Variants in LINGO2 observed in about 807,000 individuals in gnomAD.
LINGO2 encodes leucine-rich repeat and immunoglobulin-like domain-containing nogo receptor-interacting protein 2.
A neutral mutation model predicts 30.6 loss-of-function variants in LINGO2; 14 were observed. That is an observed-to-expected ratio of 0.46 (90% CI 0.30 to 0.72). The LOEUF (loss-of-function observed/expected upper bound fraction) is 0.72. LINGO2 is among the 30% of genes least tolerant of loss of function. The probability of loss-of-function intolerance (pLI) is 0.07; values close to 1 mark genes in which losing one functional copy is unlikely to be tolerated. For synonymous variants in LINGO2, 317 were observed against 288.5 expected, an observed-to-expected ratio of 1.10 and a Z score of -1.00; for missense variants, 729 against 751.7, an observed-to-expected ratio of 0.97 and a Z score of 0.35.
chr9:28,518,118 G>T (rs770703214), intron 1 of LINGO2, among the ~76,000 whole-genome samples: 1 of 152,082 alleles, frequency 6.6e-6, no homozygotes, highest in African/African-American at 2.4e-5. Context: ...AGCAGGAGAG[G>T]CTCAGAGAGA....
At chr9:28,460,673 T>A (rs1825041885) in intron 2 of LINGO2, among the ~76,000 whole-genome samples, 1 of 152,122 alleles carries the variant, frequency 6.6e-6, no homozygotes, top group South Asian at 2.1e-4. Context: ...ATATAAAATA[T>A]AATGCATCTG....
chr9:28,375,186 C>T (rs1023112939), intron 2 of LINGO2, among the ~76,000 whole-genome samples: 2 of 151,802 alleles, frequency 1.3e-5, no homozygotes, highest in Admixed American at 6.6e-5. Context: ...CCATCTGCTG[C>T]AATGGGACCG....
At chr9:28,057,589 A>ATACATATATATACACATATATGTATT in intron 4 of LINGO2, among the ~76,000 whole-genome samples, 2 of 146,734 alleles carry the variant, frequency 1.4e-5, no homozygotes, top group Non-Finnish European at 3.0e-5. Flanking sequence ...ATATATGTAT[A>ATACATATATATACACATATATGTATT]TACATATATA....
the LINGO2 span, among the ~76,000 whole-genome samples, chr9:28,780,830 A>ATGAG: frequency 1.6e-5 from 2 of 127,510 alleles, no homozygotes; most frequent in African/African-American, 5.4e-5. Context: ...CTTGGTAGTA[A>ATGAG]TGTGTGTGTG....
At chr9:29,211,583 C>CTTCTCTTCTCT in the LINGO2 span, among the ~76,000 whole-genome samples, 5,222 of 148,174 alleles carry the variant, frequency 0.035, 101 homozygotes, top group Non-Finnish European at 0.042. Flanking sequence ...CTTCTCTTCT[C>CTTCTCTTCTCT]TCTCTCTCTC....
At chr9:28,217,555 AAG>A (rs1384254731) in intron 4 of LINGO2, among the ~76,000 whole-genome samples, 1 of 152,054 alleles carries the variant, frequency 6.6e-6, no homozygotes, top group African/African-American at 2.4e-5. Context: ...ACACTTTTTG[AAG>A]AGAGTCTTGG....
the LINGO2 span, among the ~76,000 whole-genome samples, chr9:28,922,450 C>A: frequency 1.4e-4 from 21 of 151,888 alleles, no homozygotes; most frequent in Admixed American, 4.6e-4. Flanking sequence ...TTTAAGGAAG[C>A]AAAAATATGT....
chr9:29,021,201 A>C, the LINGO2 span, among the ~76,000 whole-genome samples: 1 of 152,182 alleles, frequency 6.6e-6, no homozygotes, highest in Non-Finnish European at 1.5e-5. Context: ...CAACAACAGC[A>C]CAGTTTTTCC....
chr9:28,719,947 C>T, the LINGO2 span, among the ~76,000 whole-genome samples: 2 of 152,004 alleles, frequency 1.3e-5, no homozygotes, highest in African/African-American at 4.8e-5. Context: ...TTCCAAACCT[C>T]ATCAGTAACA....
chr9:28,383,514 A>G (rs1047096947), intron 2 of LINGO2, among the ~76,000 whole-genome samples: 4 of 152,020 alleles, frequency 2.6e-5, no homozygotes, highest in African/African-American at 9.7e-5. Flanking sequence ...GTGGGCAGTC[A>G]AACTCCTCAG....
the LINGO2 span, among the ~76,000 whole-genome samples, chr9:29,153,038 C>T: frequency 6.6e-6 from 1 of 151,830 alleles, no homozygotes. Flanking sequence ...GTTCTTGACA[C>T]TAGTGGTTAT....
At chr9:28,634,613 G>C (rs981131620) in intron 1 of LINGO2, among the ~76,000 whole-genome samples, 2 of 151,124 alleles carry the variant, frequency 1.3e-5, no homozygotes, top group Non-Finnish European at 2.9e-5. Context: ...AGCCTCCCGA[G>C]TAGCTGGGAT....
the LINGO2 span, among the ~76,000 whole-genome samples, chr9:29,145,543 A>G: frequency 6.7e-6 from 1 of 148,242 alleles, no homozygotes; most frequent in African/African-American, 2.5e-5. Flanking sequence ...TGTAAATGCC[A>G]TATTCATGAT....
intron 4 of LINGO2, among the ~76,000 whole-genome samples, chr9:28,136,742 C>A (rs932989812): frequency 6.6e-6 from 1 of 152,124 alleles, no homozygotes; most frequent in Non-Finnish European, 1.5e-5. Context: ...TGTGTGTCAA[C>A]TGGACTGGGC....
At chr9:28,924,360 A>G in the LINGO2 span, among the ~76,000 whole-genome samples, 1 of 152,116 alleles carries the variant, frequency 6.6e-6, no homozygotes, top group Admixed American at 6.6e-5. Context: ...AGCTGGGACC[A>G]CAGACCCGCA....
At chr9:28,362,214 A>ATG (rs10631893) in intron 3 of LINGO2, among the ~76,000 whole-genome samples, 71,025 of 150,996 alleles carry the variant, frequency 0.47, 17,118 homozygotes, top group Non-Finnish European at 0.53. Context: ...TTGTGTGTGT[A>ATG]TGTGTGTGTG....
chr9:28,151,716 A>T (rs7019638), intron 4 of LINGO2, among the ~76,000 whole-genome samples: 10 of 151,686 alleles, frequency 6.6e-5, no homozygotes, highest in African/African-American at 2.2e-4. Flanking sequence ...AACTTTTAAG[A>T]GTTTTTTTAT....
intron 1 of LINGO2, among the ~76,000 whole-genome samples, chr9:28,616,254 A>C (rs990736474): frequency 6.6e-6 from 1 of 152,194 alleles, no homozygotes; most frequent in Non-Finnish European, 1.5e-5. Flanking sequence ...AGTTACCAAA[A>C]TATACTCTTT....
chr9:27,960,669 C>CTT (rs1430748496), intron 5 of LINGO2, among the ~76,000 whole-genome samples: 2 of 136,184 alleles, frequency 1.5e-5, no homozygotes, highest in Non-Finnish European at 3.2e-5. Flanking sequence ...ATTTAGAAAG[C>CTT]TTCTCTTTTT....
Sources: allele counts gnomAD v4.1 joint callset (sites outside exome capture counted in the v4.1 genomes callset), GRCh38; gene constraint gnomAD v4.1.1; transcripts MANE v1.5; gene names NCBI Gene and HGNC (gene_info 2026-07-23, HGNC 2026-07-21).